The following PIWIL1 variants were observed in gnomAD, a reference collection of about 807,000 sequenced individuals.
PIWIL1 encodes piwi like RNA-mediated gene silencing 1.
A neutral mutation model predicts 114.4 loss-of-function variants in PIWIL1; 73 were observed. The ratio of observed to expected loss-of-function variants is 0.64; its 90% CI spans 0.53 to 0.78. PIWIL1 has a LOEUF of 0.78. Ranked by LOEUF, PIWIL1 falls within the 30% of genes least tolerant of loss-of-function variation. The probability of loss-of-function intolerance (pLI) is 0.00; values close to 1 mark genes in which losing one functional copy is unlikely to be tolerated. For missense variants in PIWIL1, 723 were observed against 1,063.1 expected, an observed-to-expected ratio of 0.68 and a Z score of 4.45; for synonymous variants, 375 against 369.0, an observed-to-expected ratio of 1.02 and a Z score of -0.19.
the PIWIL1 span, among the ~76,000 whole-genome samples, chr12:130,388,863 T>C: frequency 6.6e-6 from 1 of 152,192 alleles, no homozygotes; most frequent in Non-Finnish European, 1.5e-5. Context: ...AGTTGTATCC[T>C]CTGCAAACAA....
rs201685412 is a variant in PIWIL1 at position 130,355,581 on chromosome 12, G to A, written c.1318G>A (p.Asp440Asn). The A allele has an allele frequency of 1.2e-6, 2 of 1,614,034 alleles. No homozygotes were observed. Among genetic ancestry groups the A allele is most frequent in the Non-Finnish European group, 8.5e-7 (1 of 1,179,836 alleles). ...KNDNVQRELR[D>N]WGLSFDSNLL... is the part of the protein sequence containing the mutation. The stretch of plus-strand genomic sequence containing the variant: ...CGATAATGTTCAAAGGGAGCTTCGA[G>A]ACTGGGGTTTGAGCTTTGATTCCAA... Residue 440 changes from aspartate to asparagine, a missense_variant, in exon 12 of 21, where the codon GAC (aspartate) becomes AAC (asparagine). Physicochemically the swap from Asp to Asn is conservative, Grantham distance 23. Around this residue, in one of 8 missense-constraint regions of PIWIL1, gnomAD observed 298 missense variants for 420.8 expected, o/e 0.71. Transcript: ENST00000245255.
the PIWIL1 span, among the ~76,000 whole-genome samples, chr12:130,423,566 G>A: frequency 3.6e-4 from 54 of 151,774 alleles, no homozygotes; most frequent in African/African-American, 1.3e-3. Flanking sequence ...CAGGGCCGGC[G>A]GGGAGAAGGC....
chr12:130,352,721 A>G (rs1174399212), intron 9 of PIWIL1, among the ~76,000 whole-genome samples: 1 of 152,190 alleles, frequency 6.6e-6, no homozygotes, highest in African/African-American at 2.4e-5. Context: ...ACCTAAGAAT[A>G]TAAAAGTGGA....
Position 130,349,890 on chromosome 12 carries a change from G to T in PIWIL1, c.967G>T (p.Asp323Tyr). 1 of 1,612,332 alleles carries T rather than the reference G, an allele frequency of 6.2e-7. No individual in the cohort carries two copies. The highest frequency in any genetic ancestry group is 8.5e-7 in the Non-Finnish European group (1 of 1,178,660). ...TAAGACATACAGAGTGGATGATATT[G>T]ACTGGGACCAGAATCCCAAGAGCAC... Reference protein sequence around the residue: ...NNKTYRVDDIDWDQNPKSTFK... With the variant: ...NNKTYRVDDIYWDQNPKSTFK... Residue 323 changes from aspartate to tyrosine, a missense_variant, in exon 9 of 21, where the codon GAC (aspartate) becomes TAC (tyrosine). Transcript: ENST00000245255.
chr12:130,394,091 C>T, the PIWIL1 span, among the ~76,000 whole-genome samples: 26 of 152,324 alleles, frequency 1.7e-4, no homozygotes, highest in Admixed American at 1.1e-3. Flanking sequence ...TGGGCCTTCT[C>T]GGCACTCTCT....
downstream of PIWIL1, among the ~76,000 whole-genome samples, chr12:130,375,865 G>A (rs1302588146): frequency 1.3e-5 from 2 of 151,998 alleles, no homozygotes; most frequent in South Asian, 4.2e-4. Context: ...CCTGCTGCAC[G>A]CCTGGCATGG....
the PIWIL1 span, among the ~76,000 whole-genome samples, chr12:130,422,003 A>C: frequency 6.6e-6 from 1 of 152,212 alleles, no homozygotes; most frequent in Non-Finnish European, 1.5e-5. This position sits in a 1 kb window ranked among gnomAD's most constrained non-coding sequence, Gnocchi z 5.2. Context: ...ACTCAGCTGC[A>C]CGGTGTCCCC....
chr12:130,343,801 T>C (rs974647548), intron 3 of PIWIL1, among the ~76,000 whole-genome samples: 4 of 152,064 alleles, frequency 2.6e-5, no homozygotes, highest in African/African-American at 9.7e-5. Context: ...AATTTTTTTG[T>C]ATTTTTTAGT....
At chr12:130,386,067 T>C in the PIWIL1 span, among the ~76,000 whole-genome samples, 4 of 152,350 alleles carry the variant, frequency 2.6e-5, no homozygotes, top group East Asian at 7.7e-4. Flanking sequence ...CCGCCATCAG[T>C]ACCACACATG....
At chr12:130,363,762 C>T (rs1202493650) in intron 18 of PIWIL1, among the ~76,000 whole-genome samples, 1 of 151,848 alleles carries the variant, frequency 6.6e-6, no homozygotes, top group African/African-American at 2.4e-5. Flanking sequence ...GGATTACAGG[C>T]GTGCACCACC....
chr12:130,382,131 T>C, the PIWIL1 span, among the ~76,000 whole-genome samples: 2 of 152,224 alleles, frequency 1.3e-5, no homozygotes, highest in Non-Finnish European at 2.9e-5. Flanking sequence ...ATGGGAGCAA[T>C]TGAAGGTAGA....
At chr12:130,379,470 A>T in the PIWIL1 span, among the ~76,000 whole-genome samples, 1 of 94,000 alleles carries the variant, frequency 1.1e-5, no homozygotes, top group Non-Finnish European at 2.1e-5. Context: ...AGTTCCTTCA[A>T]TTCCCTCATC....
the PIWIL1 span, chr12:130,414,120 C>T: frequency 1.1e-5 from 18 of 1,613,908 alleles, no homozygotes; most frequent in South Asian, 3.3e-5. Flanking sequence ...GCAGCCATCC[C>T]GCACCTTGAT....
chr12:130,343,893 C>T (rs896501841), intron 3 of PIWIL1, among the ~76,000 whole-genome samples: 1 of 152,164 alleles, frequency 6.6e-6, no homozygotes, highest in African/African-American at 2.4e-5. Context: ...TCCCAAAGTG[C>T]TGGGATTACA....
downstream of PIWIL1, among the ~76,000 whole-genome samples, chr12:130,377,534 C>T (rs900865273): frequency 6.6e-6 from 1 of 152,232 alleles, no homozygotes; most frequent in Non-Finnish European, 1.5e-5. Flanking sequence ...GGCGAAAAAG[C>T]AACCCGGCTT....
the PIWIL1 span, chr12:130,412,793 G>T: frequency 6.2e-7 from 1 of 1,605,742 alleles, no homozygotes; most frequent in African/African-American, 1.3e-5. Flanking sequence ...TAAACCTAGA[G>T]CCAAGGGGGA....
chr12:130,346,650 C>A, intron 5 of PIWIL1, 66 bp downstream of exon 5: 2 of 1,327,832 alleles, frequency 1.5e-6, no homozygotes, highest in Non-Finnish European at 2.2e-6. Flanking sequence ...TGTAAGATAG[C>A]TCACATGGCT....
intron 6 of PIWIL1, among the ~76,000 whole-genome samples, chr12:130,347,443 A>G (rs2073098879): frequency 6.6e-6 from 1 of 152,154 alleles, no homozygotes; most frequent in Non-Finnish European, 1.5e-5. Context: ...ATTTGCTTTC[A>G]GTGTACATAT....
chr12:130,345,958 G>A (rs2073057648), intron 4 of PIWIL1, 80 bp downstream of exon 4: 1 of 1,489,406 alleles, frequency 6.7e-7, no homozygotes, highest in Non-Finnish European at 9.1e-7. Context: ...TAGTTTAGGT[G>A]TTTATTTGGC....
Sources: gnomAD v4.1 joint callset for allele counts (sites outside exome capture counted in the v4.1 genomes callset) on GRCh38, gnomAD v4.1.1 for gene constraint, gnomAD v4.1.1 regional missense constraint, Gnocchi (gnomAD v3.1) non-coding constraint, MANE v1.5 for transcripts, NCBI Gene and HGNC (gene_info 2026-07-23, HGNC 2026-07-21) for gene names.